Variants in BEND2 observed in about 807,000 individuals in gnomAD.
The protein encoded by BEND2 is BEN domain-containing protein 2.
In BEND2, 19 loss-of-function variants were observed where a neutral mutation model predicts 43.8. The ratio of observed to expected loss-of-function variants is 0.43; its 90% CI spans 0.30 to 0.64. BEND2 has a LOEUF of 0.64. Among genes scored for constraint, BEND2 ranks in the 30% least tolerant of loss-of-function variants. The pLI is 0.11. For missense variants in BEND2, 544 were observed against 574.0 expected (o/e 0.95, Z 0.53); for synonymous variants, 226 against 210.1 (o/e 1.08, Z -0.66).
chrX:18,187,440 A>C (rs768002542), intron 8 of BEND2, among the ~76,000 whole-genome samples: 55 of 112,190 alleles, frequency 4.9e-4, no homozygotes, highest in Non-Finnish European at 8.6e-4. Context: ...CAGCAAAAGG[A>C]TATAACAATT....
At chrX:18,174,504 A>G (rs1924082245) in intron 11 of BEND2, among the ~76,000 whole-genome samples, 1 of 112,488 alleles carries the variant, frequency 8.9e-6, no homozygotes, top group Non-Finnish European at 1.9e-5. Context: ...TAAGGAACTC[A>G]ATGAGAACTG....
chrX:18,190,049 CA>C (rs368542136), intron 8 of BEND2, among the ~76,000 whole-genome samples: 20,840 of 84,834 alleles, frequency 0.25, 1,970 homozygotes, highest in East Asian at 0.36. Context: ...GACTCTATCT[CA>C]AAAAAAAAAA....
chrX:18,203,250 T>G (rs1017406165), intron 5 of BEND2, among the ~76,000 whole-genome samples: 1 of 110,188 alleles, frequency 9.1e-6, no homozygotes, highest in Non-Finnish European at 1.9e-5. Flanking sequence ...CTGATAAAAT[T>G]GTTTTAAAAA....
At chrX:18,169,571 C>A (rs1403921257) in intron 13 of BEND2, among the ~76,000 whole-genome samples, 1 of 111,935 alleles carries the variant, frequency 8.9e-6, no homozygotes, top group Non-Finnish European at 1.9e-5. Context: ...AGCCTTTGCT[C>A]TGACTCTTCC....
chrX:18,209,514 A>T (rs938249997), intron 4 of BEND2, among the ~76,000 whole-genome samples: 1 of 112,265 alleles, frequency 8.9e-6, no homozygotes, highest in African/African-American at 3.2e-5. Context: ...CAATAAAAAA[A>T]ATATCAACAC....
At chrX:18,210,053 C>T (rs1192393275) in intron 4 of BEND2, among the ~76,000 whole-genome samples, 1 of 109,281 alleles carries the variant, frequency 9.2e-6, no homozygotes, top group East Asian at 2.8e-4. Context: ...AAACTGGGTA[C>T]AAAAATGCTG....
intron 6 of BEND2, among the ~76,000 whole-genome samples, chrX:18,201,427 A>AAAAAAAAAAAAAAC (rs1925156313): frequency 8.1e-5 from 7 of 86,428 alleles, no homozygotes; most frequent in East Asian, 4.7e-4. Context: ...ACAAAAAAAA[A>AAAAAAAAAAAAAAC]AAAACTGGTG....
At chrX:18,192,241 T>G (rs1924794509) in intron 7 of BEND2, among the ~76,000 whole-genome samples, 1 of 111,901 alleles carries the variant, frequency 8.9e-6, no homozygotes, top group Admixed American at 9.5e-5. Context: ...TGAAAGACAA[T>G]AAATCTCAAT....
intron 2 of BEND2, 49 bp from the exon 3 acceptor site, chrX:18,213,960 C>T (rs1428312742): frequency 8.9e-6 from 1 of 111,996 alleles, no homozygotes; most frequent in African/African-American, 3.3e-5. Context: ...CAATAAGATA[C>T]CTCCAAACTG....
At chrX:18,175,645 C>G (rs774036956) in intron 11 of BEND2, among the ~76,000 whole-genome samples, 2 of 112,185 alleles carry the variant, frequency 1.8e-5, no homozygotes, top group East Asian at 5.6e-4. Context: ...CAGCTGGCTC[C>G]TTTTTGTGTT....
At position 18,180,723 on chromosome X, in the gene BEND2, C is replaced by T. The variant is rs989521488; in HGVS notation, c.1289-73G>A. The T allele has an allele frequency of 5.4e-6, 4 of 742,394 alleles. No individual in the cohort carries two copies. The African/African-American group carries it at 8.6e-5, about 16-fold the overall frequency. The allele number at this position is 742,394 out of a possible 1,213,427, so 61.2% of individuals were successfully genotyped here. A position where few individuals can be genotyped will look rare whatever the true frequency, so the allele number is the denominator to read the frequency against. On this transcript the variant is annotated intron_variant, in intron 8 of 13. Coordinates refer to ENST00000380033, the MANE Select transcript of BEND2 (RefSeq NM_153346.5). Reference sequence around the variant, plus strand: ...GTTTTTCAGGTACAGAGGGGAAATACACTCTCAGACAAAAGAAAACTAAAA... The same window carrying T: ...GTTTTTCAGGTACAGAGGGGAAATATACTCTCAGACAAAAGAAAACTAAAA...
At position 18,203,920 on chromosome X, in the gene BEND2, C is replaced by G; in HGVS notation, c.493-5G>C. The G allele has an allele frequency of 8.5e-7, 1 of 1,175,763 alleles. No homozygotes were observed. The highest frequency in any genetic ancestry group is 1.1e-6 in the Non-Finnish European group (1 of 872,162). ...TGGTGATATGCTAGACTGTACCTATCCAGGGTAAGAGAACAGAATGAGTAA... is the reference window on the plus strand; with the variant it reads ...TGGTGATATGCTAGACTGTACCTATGCAGGGTAAGAGAACAGAATGAGTAA... On this transcript the variant is annotated splice_region_variant and splice_polypyrimidine_tract_variant and intron_variant, in intron 4 of 13. Transcript: ENST00000380033.
chrX:18,220,270 C>T (rs906941209), intron 1 of BEND2, among the ~76,000 whole-genome samples: 6 of 112,256 alleles, frequency 5.3e-5, no homozygotes, highest in African/African-American at 1.9e-4. Context: ...AGAAAAAGTG[C>T]GGCCGCATAG....
intron 1 of BEND2, among the ~76,000 whole-genome samples, chrX:18,219,362 G>A (rs1437822655): frequency 8.9e-6 from 1 of 112,785 alleles, no homozygotes; most frequent in African/African-American, 3.2e-5. Context: ...AGGGGGCCGG[G>A]CCCTCGCACG....
chrX:18,215,406 G>T (rs1363420594), intron 2 of BEND2, among the ~76,000 whole-genome samples: 2 of 112,237 alleles, frequency 1.8e-5, no homozygotes, highest in Non-Finnish European at 3.8e-5. Context: ...AACCAAAACA[G>T]ATAAGTGGTA....
Position 18,201,796 on chromosome X carries a change from T to C in BEND2, c.1033+19A>G. On this transcript the variant is annotated intron_variant, in intron 6 of 13. Coordinates refer to ENST00000380033, the MANE Select transcript of BEND2 (RefSeq NM_153346.5). The stretch of plus-strand genomic sequence containing the variant: ...GTGTGAGCCACCACGCCCAGCATTA[T>C]GTATCATTTCAAACTCACCAAAATA... The C allele has an allele frequency of 2.5e-6, 3 of 1,198,020 alleles. No homozygotes were observed. The highest frequency in any genetic ancestry group is 1.8e-5 in the South Asian group (1 of 54,542).
At chrX:18,184,597 G>C (rs775176638) in intron 8 of BEND2, among the ~76,000 whole-genome samples, 3 of 112,261 alleles carry the variant, frequency 2.7e-5, no homozygotes, top group Admixed American at 1.9e-4. Flanking sequence ...ACTGGACTTG[G>C]GGTGTCCCCT....
rs1925240374 is a variant in BEND2, at chrX:18,203,675, T to C, written c.733A>G (p.Asn245Asp). The C allele has an allele frequency of 1.7e-6, 2 of 1,211,804 alleles. No individual in the cohort carries two copies. The highest frequency in any genetic ancestry group is 2.2e-5 in the Admixed American group (1 of 46,067). ...NFISGGAEST[N>D]AVISFANATT... ...GCATTGGCAAATGAGATGACAGCAT[T>C]GGTACTTTCAGCACCTCCACTGATA... Residue 245 changes from asparagine to aspartate, a missense_variant, in exon 5 of 14, where the codon AAT becomes GAT. By Grantham distance (23) the Asn-to-Asp change is conservative. Around this residue, in one of 2 missense-constraint regions of BEND2, gnomAD observed 501 missense variants for 501.6 expected, o/e 1.00. Coordinates refer to ENST00000380033, the MANE Select transcript of BEND2 (RefSeq NM_153346.5).
intron 5 of BEND2, among the ~76,000 whole-genome samples, chrX:18,203,108 A>C (rs951797541): frequency 8.9e-6 from 1 of 111,800 alleles, no homozygotes; most frequent in Admixed American, 9.6e-5. Flanking sequence ...CACTTGCCAA[A>C]GGTTAGGAAT....
Sources: allele counts gnomAD v4.1 joint callset (sites outside exome capture counted in the v4.1 genomes callset), GRCh38; gene constraint gnomAD v4.1.1; regional missense constraint gnomAD v4.1.1; transcripts MANE v1.5; gene names NCBI Gene and HGNC (gene_info 2026-07-23, HGNC 2026-07-21).